DCDC2: variants seen among roughly 807,000 people sequenced by gnomAD.
The protein encoded by DCDC2 is doublecortin domain containing 2.
DCDC2 carries 40 observed loss-of-function variants against 50.2 expected under a neutral mutation model. The ratio of observed to expected loss-of-function variants is 0.80; its 90% CI spans 0.62 to 1.04. DCDC2 has a LOEUF of 1.04. Ranked by LOEUF, DCDC2 falls within the 50% of genes least tolerant of loss-of-function variation. The pLI is 0.00. For missense variants in DCDC2, 570 were observed against 581.9 expected (o/e 0.98, Z 0.21); for synonymous variants, 234 against 210.6 (o/e 1.11, Z -0.96).
chr6:24,231,791 T>C (rs904628392), intron 7 of DCDC2, among the ~76,000 whole-genome samples: 2 of 151,900 alleles, frequency 1.3e-5, no homozygotes, highest in African/African-American at 4.8e-5. Context: ...ACTATTCCCA[T>C]CACATTAATA....
intron 2 of DCDC2, among the ~76,000 whole-genome samples, chr6:24,343,751 A>T (rs889401981): frequency 3.9e-5 from 6 of 152,244 alleles, no homozygotes; most frequent in African/African-American, 1.4e-4. Flanking sequence ...GTTGCTGTTC[A>T]ATTGCCAAAA....
intron 7 of DCDC2, among the ~76,000 whole-genome samples, chr6:24,224,453 G>A (rs1290109917): frequency 6.6e-6 from 1 of 152,210 alleles, no homozygotes; most frequent in Non-Finnish European, 1.5e-5. Context: ...CTAAGATGAA[G>A]AGCTTACTAA....
At chr6:24,287,238 T>C (rs1726933031) in intron 6 of DCDC2, among the ~76,000 whole-genome samples, 1 of 152,246 alleles carries the variant, frequency 6.6e-6, no homozygotes, top group Non-Finnish European at 1.5e-5. Context: ...AAGGGACTCA[T>C]TGTCCCGGGG....
intron 2 of DCDC2, among the ~76,000 whole-genome samples, chr6:24,316,156 G>A (rs1759656204): frequency 6.6e-6 from 1 of 152,270 alleles, no homozygotes; most frequent in East Asian, 1.9e-4. Context: ...CCAGATAGAG[G>A]TGCCATTCAT....
At chr6:24,265,416 T>C (rs1376029229) in intron 7 of DCDC2, among the ~76,000 whole-genome samples, 2 of 152,196 alleles carry the variant, frequency 1.3e-5, no homozygotes, top group African/African-American at 2.4e-5. Flanking sequence ...ACAGACTAAA[T>C]GGACCTAATA....
intron 7 of DCDC2, among the ~76,000 whole-genome samples, chr6:24,264,792 A>G (rs113793380): frequency 3.9e-5 from 6 of 152,054 alleles, no homozygotes; most frequent in Non-Finnish European, 7.4e-5. Context: ...ATGTAAACAG[A>G]TTAAACTCTA....
the DCDC2 span, among the ~76,000 whole-genome samples, chr6:24,373,958 C>G: frequency 6.6e-6 from 1 of 151,568 alleles, no homozygotes; most frequent in Admixed American, 6.6e-5. Flanking sequence ...GTCAGGAGAT[C>G]GAGACCATCC....
intron 6 of DCDC2, among the ~76,000 whole-genome samples, chr6:24,284,039 T>C (rs1475231161): frequency 6.6e-6 from 1 of 152,238 alleles, no homozygotes; most frequent in Non-Finnish European, 1.5e-5. Context: ...GTTTCTGGAA[T>C]GTAACCTCCG....
chr6:24,358,936 T>TATATATTATATA (rs1561788593), upstream of DCDC2, among the ~76,000 whole-genome samples: 2 of 16,994 alleles, frequency 1.2e-4, no homozygotes, highest in African/African-American at 4.8e-4. Context: ...TATTATATAT[T>TATATATTATATA]TTATATATTA....
At chr6:24,350,302 C>T (rs1561784310) in intron 2 of DCDC2, among the ~76,000 whole-genome samples, 1 of 152,080 alleles carries the variant, frequency 6.6e-6, no homozygotes, top group African/African-American at 2.4e-5. Flanking sequence ...CAAATCGTAC[C>T]CATGGTCTTG....
intron 2 of DCDC2, among the ~76,000 whole-genome samples, chr6:24,326,764 CAGA>C (rs995750938): frequency 1.4e-5 from 2 of 147,068 alleles, no homozygotes; most frequent in Non-Finnish European, 3.0e-5. Flanking sequence ...GTGGCTGAAG[CAGA>C]AGGATTCCCT....
Position 24,173,613 on chromosome 6 carries a change from T to C in DCDC2, c.*1117A>G, listed in dbSNP as rs1760834592. The C allele has an allele frequency of 6.6e-6, 1 of 152,190 alleles. No individual in the cohort carries two copies. Among genetic ancestry groups the C allele is most frequent in the Admixed American group, 6.5e-5 (1 of 15,284 alleles). The allele number at this position is 152,190 out of a possible 1,614,324, so 9.4% of individuals were successfully genotyped here. A position where few individuals can be genotyped will look rare whatever the true frequency, so the allele number is the denominator to read the frequency against. On this transcript the variant is annotated 3_prime_UTR_variant, in exon 10 of 10. Coordinates refer to ENST00000378454, the MANE Select transcript of DCDC2 (RefSeq NM_016356.5). Reference sequence around the variant, plus strand: ...AGTCCATGAAGTTGTGATTCAGGAATTGGTTTCATTATAATAACTTCTAAA... The same window carrying C: ...AGTCCATGAAGTTGTGATTCAGGAACTGGTTTCATTATAATAACTTCTAAA...
intron 8 of DCDC2, among the ~76,000 whole-genome samples, chr6:24,204,630 T>C (rs1761668731): frequency 6.6e-6 from 1 of 152,094 alleles, no homozygotes; most frequent in Admixed American, 6.6e-5. Context: ...AAGTATAATT[T>C]TTTAAAAATG....
In DCDC2 at chr6:24,348,241, G is replaced by A. The variant is rs574009906; in HGVS notation, c.348+5328C>T. On this transcript the variant is annotated intron_variant, in intron 2 of 9. Transcript: ENST00000378454. ...ATTGAAGGATTCTGAAGAGCTAAGG[G>A]AAACAGAGATCAGTTCTAGATTGGT... Among the ~76,000 whole-genome samples the A allele has an allele frequency of 2.0e-5, 3 of 152,294 alleles. No individual in the cohort carries two copies. In the South Asian group the frequency reaches 6.2e-4, roughly 32 times the overall value.
chr6:24,245,524 A>G (rs1762651310), intron 7 of DCDC2, among the ~76,000 whole-genome samples: 1 of 152,204 alleles, frequency 6.6e-6, no homozygotes, highest in African/African-American at 2.4e-5. Flanking sequence ...TCCAGCCAAG[A>G]CATTAACCAT....
intron 7 of DCDC2, among the ~76,000 whole-genome samples, chr6:24,234,399 C>T (rs919717128): frequency 1.3e-5 from 2 of 152,082 alleles, no homozygotes; most frequent in African/African-American, 4.8e-5. Context: ...AACAGGAAGC[C>T]AATGGCGGGT....
intron 8 of DCDC2, among the ~76,000 whole-genome samples, chr6:24,191,153 C>T (rs188231408): frequency 2.6e-5 from 4 of 152,246 alleles, no homozygotes; most frequent in Non-Finnish European, 2.9e-5. Flanking sequence ...TCATTGAAGT[C>T]GATTTGGGGA....
intron 7 of DCDC2, among the ~76,000 whole-genome samples, chr6:24,228,552 T>C (rs899599553): frequency 4.6e-5 from 7 of 152,218 alleles, no homozygotes; most frequent in Admixed American, 4.6e-4. Context: ...TAATGCATTT[T>C]TGGTATTTTT....
At chr6:24,224,989 G>A (rs1176577130) in intron 7 of DCDC2, among the ~76,000 whole-genome samples, 2 of 152,202 alleles carry the variant, frequency 1.3e-5, no homozygotes, top group African/African-American at 2.4e-5. Context: ...TAATAAATGT[G>A]TGGGTGCGTG....
Sources: allele counts gnomAD v4.1 joint callset (sites outside exome capture counted in the v4.1 genomes callset), GRCh38; gene constraint gnomAD v4.1.1; transcripts MANE v1.5; gene names NCBI Gene and HGNC (gene_info 2026-07-23, HGNC 2026-07-21).